The following RCL1 variants were observed in gnomAD, a reference collection of about 807,000 sequenced individuals.
RCL1 encodes RNA terminal phosphate cyclase like 1, also known as RNA 3'-terminal phosphate cyclase-like protein.
RCL1 carries 24 observed loss-of-function variants against 42.4 expected under a neutral mutation model. That is an observed-to-expected ratio of 0.57 (90% CI 0.41 to 0.80). RCL1 has a LOEUF of 0.80. Ranked by LOEUF, RCL1 falls within the 30% of genes least tolerant of loss-of-function variation. The pLI is 0.00. For missense variants in RCL1, 578 were observed against 467.9 expected (o/e 1.24, Z -2.17); for synonymous variants, 228 against 177.3 (o/e 1.29, Z -2.27).
intron 3 of RCL1, among the ~76,000 whole-genome samples, chr9:4,832,201 A>T (rs1223048101): frequency 6.6e-6 from 1 of 152,240 alleles, no homozygotes; most frequent in Non-Finnish European, 1.5e-5. Context: ...ATGCAGGAGG[A>T]GATAACAGTT....
intron 1 of RCL1, among the ~76,000 whole-genome samples, chr9:4,819,543 T>A (rs966534646): frequency 2.0e-5 from 3 of 152,192 alleles, no homozygotes; most frequent in Non-Finnish European, 2.9e-5. Context: ...CAGAATTTGC[T>A]CACGCCTGTA....
At position 4,844,459 on chromosome 9, in the gene RCL1, G is replaced by A. The variant is rs159432; in HGVS notation, c.711-66G>A. ...AAAAAAATGTTTGTCTTCTCTTTCC[G>A]TTTGCTGGTGAGTGGAAACCTCACT... On this transcript the variant is annotated intron_variant, in intron 6 of 8. Coordinates refer to ENST00000381750, the MANE Select transcript of RCL1 (RefSeq NM_005772.5). 386,612 of 1,235,584 alleles carry A rather than the reference G, an allele frequency of 0.31. 63,265 individuals are homozygous for A. Among genetic ancestry groups the A allele is most frequent in the South Asian group, 0.46 (30,870 of 67,558 alleles). 76.5% of individuals were successfully genotyped at this position (1,235,584 alleles called of 1,614,324 possible).
chr9:4,816,917 C>T (rs556816293), intron 1 of RCL1, among the ~76,000 whole-genome samples: 5 of 152,158 alleles, frequency 3.3e-5, no homozygotes, highest in African/African-American at 4.8e-5. Context: ...CCCAGGTTCA[C>T]GCCATTCTCC....
At chr9:4,851,826 G>A (rs1174466469) in intron 8 of RCL1, among the ~76,000 whole-genome samples, 2 of 150,924 alleles carry the variant, frequency 1.3e-5, no homozygotes, top group Non-Finnish European at 2.9e-5. Flanking sequence ...AAGAGCATTG[G>A]GATTGCTGTT....
intron 7 of RCL1, among the ~76,000 whole-genome samples, chr9:4,847,978 G>C (rs932062297): frequency 6.6e-6 from 1 of 152,188 alleles, no homozygotes; most frequent in African/African-American, 2.4e-5. Flanking sequence ...CCCCAGCATA[G>C]GTAGGGTGAT....
intron 5 of RCL1, among the ~76,000 whole-genome samples, chr9:4,835,933 A>G (rs1242722691): frequency 1.3e-5 from 2 of 152,176 alleles, no homozygotes; most frequent in African/African-American, 4.8e-5. Flanking sequence ...GGCCACAGGC[A>G]TACGGTAAGG....
chr9:4,796,086 T>C (rs1842909253), intron 1 of RCL1, among the ~76,000 whole-genome samples: 2 of 152,214 alleles, frequency 1.3e-5, no homozygotes, highest in African/African-American at 4.8e-5. Flanking sequence ...CAGTTCTTTT[T>C]TTAAAGAAAT....
chr9:4,796,567 T>A (rs570895386), intron 1 of RCL1, among the ~76,000 whole-genome samples: 10 of 152,290 alleles, frequency 6.6e-5, no homozygotes, highest in Admixed American at 6.5e-4. Flanking sequence ...AGTTGATTTT[T>A]AAAATTTTTT....
intron 8 of RCL1, among the ~76,000 whole-genome samples, chr9:4,857,930 A>ATTTTTTTT (rs1818017380): frequency 8.4e-5 from 3 of 35,704 alleles, no homozygotes; most frequent in African/African-American, 1.2e-4. Context: ...TAGCTCTCCC[A>ATTTTTTTT]CTTTTTTTTT....
chr9:4,845,405 CCA>C (rs1404034365), intron 7 of RCL1, among the ~76,000 whole-genome samples: 1 of 152,188 alleles, frequency 6.6e-6, no homozygotes, highest in Non-Finnish European at 1.5e-5. Flanking sequence ...CTCTCAGTTG[CCA>C]CAGTCTTTCT....
At chr9:4,850,334 T>C (rs1375515857) in intron 8 of RCL1, 1 of 534,308 alleles carries the variant, frequency 1.9e-6, no homozygotes, top group African/African-American at 1.9e-5. Context: ...CGATGCTGTA[T>C]ATCTGAAAGG....
intron 3 of RCL1, 132 bp downstream of exon 3, chr9:4,827,165 AT>A (rs1388737418): frequency 6.4e-7 from 1 of 1,552,040 alleles, no homozygotes; most frequent in African/African-American, 1.4e-5. Flanking sequence ...TTACTTTGAG[AT>A]TTAGAGGTTA....
At chr9:4,802,541 T>G (rs926671857) in intron 1 of RCL1, among the ~76,000 whole-genome samples, 4 of 152,206 alleles carry the variant, frequency 2.6e-5, no homozygotes, top group African/African-American at 9.6e-5. Flanking sequence ...TATTATAGGT[T>G]TATTTAAAAC....
At chr9:4,805,630 G>C (rs532603963) in intron 1 of RCL1, among the ~76,000 whole-genome samples, 1 of 152,322 alleles carries the variant, frequency 6.6e-6, no homozygotes, top group African/African-American at 2.4e-5. Context: ...CTCATGCTAT[G>C]GGCACAGGGA....
At chr9:4,848,923 A>G (rs2129702745) in intron 7 of RCL1, among the ~76,000 whole-genome samples, 1 of 152,314 alleles carries the variant, frequency 6.6e-6, no homozygotes, top group African/African-American at 2.4e-5. Context: ...AGAAGTTAAT[A>G]GAGTATGGCA....
chr9:4,815,456 T>A (rs1433294286), intron 1 of RCL1, among the ~76,000 whole-genome samples: 1 of 149,776 alleles, frequency 6.7e-6, no homozygotes, highest in Non-Finnish European at 1.5e-5. Flanking sequence ...TTCTTTTCTT[T>A]TTTTTTTTTG....
chr9:4,805,410 G>GGGGAAA, intron 1 of RCL1, among the ~76,000 whole-genome samples: 1 of 151,980 alleles, frequency 6.6e-6, no homozygotes, highest in Middle Eastern at 3.4e-3. Context: ...AGAAGGGGAA[G>GGGGAAA]GGGAAGGGGA....
intron 3 of RCL1, among the ~76,000 whole-genome samples, chr9:4,831,807 A>G (rs1816952313): frequency 6.6e-6 from 1 of 152,156 alleles, no homozygotes. Context: ...TATTTTTCTG[A>G]TATCACAATA....
intron 7 of RCL1, among the ~76,000 whole-genome samples, chr9:4,847,818 A>T (rs1817573110): frequency 6.6e-6 from 1 of 152,172 alleles, no homozygotes; most frequent in Admixed American, 6.5e-5. Flanking sequence ...CAGGCTGGTC[A>T]CCTGGCCATT....
Sources: allele counts gnomAD v4.1 joint callset (sites outside exome capture counted in the v4.1 genomes callset), GRCh38; gene constraint gnomAD v4.1.1; transcripts MANE v1.5; gene names NCBI Gene and HGNC (gene_info 2026-07-23, HGNC 2026-07-21).